DNAH12: variants seen among roughly 807,000 people sequenced by gnomAD.
The protein encoded by DNAH12 is dynein axonemal heavy chain 12.
A neutral mutation model predicts 371.5 loss-of-function variants in DNAH12; 285 were observed. The ratio of observed to expected loss-of-function variants is 0.77; its 90% CI spans 0.70 to 0.85. The LOEUF is 0.85. Among genes scored for constraint, DNAH12 ranks in the 40% least tolerant of loss-of-function variants. The pLI, the probability that DNAH12 is intolerant of heterozygous loss-of-function variation, is 0.00. For missense variants in DNAH12, 3,611 were observed against 3,689.4 expected, an observed-to-expected ratio of 0.98 and a Z score of 0.55; for synonymous variants, 1,200 against 1,213.0, an observed-to-expected ratio of 0.99 and a Z score of 0.22.
intron 59 of DNAH12, 126 bp downstream of exon 59, chr3:57,357,050 C>G (rs1367197014): frequency 1.3e-5 from 2 of 152,102 alleles, no homozygotes; most frequent in East Asian, 3.9e-4. Context: ...GCCATTTTTC[C>G]ACATTTTTAA....
At chr3:57,446,475 T>A (rs958158169) in intron 26 of DNAH12, 62 bp downstream of exon 26, 24 of 1,474,430 alleles carry the variant, frequency 1.6e-5, no homozygotes, top group Non-Finnish European at 2.2e-5. Context: ...CTTCCATTTA[T>A]CCAATTAGAC....
At chr3:57,430,974 T>G (rs9850744) in intron 32 of DNAH12, among the ~76,000 whole-genome samples, 104,429 of 152,026 alleles carry the variant, frequency 0.69, 36,055 homozygotes, top group South Asian at 0.8. Flanking sequence ...ACTGCACTAA[T>G]CCACACTTCA....
chr3:57,323,320 T>C (rs2061853322), intron 63 of DNAH12, 60 bp from the exon 64 acceptor site: 1 of 1,508,718 alleles, frequency 6.6e-7, no homozygotes, highest in African/African-American at 1.4e-5. Flanking sequence ...AAAAGTGCCT[T>C]ATGTATAGGT....
rs782641389 is a variant in DNAH12 at position 57,405,793 on chromosome 3, C to A, written c.6436G>T (p.Val2146Phe). Reference protein sequence around the residue: ...HTMIRLFVHEVLRVFYDRLIN... With the variant: ...HTMIRLFVHEFLRVFYDRLIN... Reference sequence around the variant, plus strand: ...AGGCGATCATAAAACACTCGGAGAACCTCATGCACAAACAGACGGATCATA... The same window carrying A: ...AGGCGATCATAAAACACTCGGAGAAACTCATGCACAAACAGACGGATCATA... The change falls in exon 41 of 74, where the codon GTT (valine) becomes TTT (phenylalanine). Residue 2146 changes from valine to phenylalanine, a missense_variant. By Grantham distance (50) the Val-to-Phe change is conservative. Around this residue, in one of 3 missense-constraint regions of DNAH12, gnomAD observed 2,266 missense variants for 2,236.9 expected, o/e 1.01. Coordinates refer to ENST00000495027, the MANE Select transcript of DNAH12 (RefSeq NM_001366028.2). The A allele has an allele frequency of 8.4e-6, 13 of 1,551,540 alleles. No homozygotes were observed. Among genetic ancestry groups the A allele is most frequent in the Admixed American group, 2.0e-5 (1 of 50,970 alleles).
chr3:57,410,108 A>C (rs1306506546), intron 39 of DNAH12, among the ~76,000 whole-genome samples: 1 of 152,238 alleles, frequency 6.6e-6, no homozygotes, highest in East Asian at 1.9e-4. Context: ...TGAAACTAAT[A>C]GTTGAAAAGT....
rs1284315963 is a variant in DNAH12 at position 57,363,767 on chromosome 3, G to A, written c.9187C>T (p.Arg3063Ter). ...GCAGACTGAAGAATCAGGGCATTTC[G>A]TTCCTCTTCTAATTCTGGTCTAAAA... ...AKERPELEEE[R>*]NALILQSAAN... Residue 3063 changes from arginine to a stop codon, truncating the protein, a stop_gained, in exon 58 of 74, where the codon CGA becomes TGA. Transcript: ENST00000495027. LOFTEE classifies it high-confidence loss of function. The A allele has an allele frequency of 3.3e-5, 5 of 151,948 alleles. No homozygotes were observed. The highest frequency in any genetic ancestry group is 2.1e-4 in the South Asian group (1 of 4,820). The allele number at this position is 151,948 out of a possible 1,614,324, so 9.4% of individuals were successfully genotyped here.
At position 57,322,446 on chromosome 3, in the gene DNAH12, G is replaced by C; in HGVS notation, c.10421C>G (p.Thr3474Ser). The C allele has an allele frequency of 1.4e-5, 21 of 1,552,240 alleles. No homozygotes were observed. Among genetic ancestry groups the C allele is most frequent in the Non-Finnish European group, 1.5e-5 (17 of 1,147,106 alleles). Residue 3474 changes from threonine to serine, a missense_variant, in exon 65 of 74, where the codon ACT (threonine) becomes AGT (serine). Around this residue, in one of 3 missense-constraint regions of DNAH12, gnomAD observed 2,266 missense variants for 2,236.9 expected, o/e 1.01. Transcript: ENST00000495027. ...VTILQNGVKM[T>S]NEPPTGLRLN... Reference sequence around the variant, plus strand: ...CCGAAGACCCGTGGGAGGTTCATTAGTCATTTTTACTCCATTCTGTAGAAT... The same window carrying C: ...CCGAAGACCCGTGGGAGGTTCATTACTCATTTTTACTCCATTCTGTAGAAT...
intron 40 of DNAH12, 58 bp from the exon 41 acceptor site, chr3:57,406,010 G>A (rs1553681125): frequency 6.9e-7 from 1 of 1,446,584 alleles, no homozygotes; most frequent in African/African-American, 1.4e-5. Flanking sequence ...GTAAAGTCAT[G>A]TAACCAGTGG....
intron 4 of DNAH12, among the ~76,000 whole-genome samples, chr3:57,516,537 C>T (rs1222418154): frequency 1.3e-5 from 2 of 152,170 alleles, no homozygotes; most frequent in Non-Finnish European, 2.9e-5. Flanking sequence ...CAGACCAAAG[C>T]CTAAGAATCA....
At chr3:57,481,614 T>A (rs1326660617) in intron 13 of DNAH12, among the ~76,000 whole-genome samples, 1 of 152,104 alleles carries the variant, frequency 6.6e-6, no homozygotes, top group Non-Finnish European at 1.5e-5. Flanking sequence ...CATTGCCAAG[T>A]CAATTCTAAG....
intron 34 of DNAH12, among the ~76,000 whole-genome samples, chr3:57,426,828 G>GA (rs559705189): frequency 0.056 from 5,166 of 92,870 alleles, 145 homozygotes; most frequent in East Asian, 0.18. Flanking sequence ...GACTGTCTCA[G>GA]AAAAAAAAAA....
At chr3:57,464,540 C>T (rs183372317) in intron 17 of DNAH12, among the ~76,000 whole-genome samples, 1 of 152,234 alleles carries the variant, frequency 6.6e-6, no homozygotes, top group East Asian at 1.9e-4. Context: ...TAAACCAAAA[C>T]AAGCCAGACA....
In DNAH12 at chr3:57,308,626, C is replaced by T. The variant is rs1339638054; in HGVS notation, c.11189+525G>A. On this transcript the variant is annotated intron_variant, in intron 69 of 73. Transcript: ENST00000495027. ...TTCTCAACTACTCATAAATGCCCTGCTCTTGTTTACACTGCCGGTTTACAC... is the reference window on the plus strand; with the variant it reads ...TTCTCAACTACTCATAAATGCCCTGTTCTTGTTTACACTGCCGGTTTACAC... Among the ~76,000 whole-genome samples the T allele has an allele frequency of 3.3e-5, 5 of 152,278 alleles. No individual in the cohort carries two copies. In the South Asian group the frequency reaches 6.2e-4, roughly 19 times the overall value.
intron 1 of DNAH12, among the ~76,000 whole-genome samples, chr3:57,543,130 G>A (rs998586481): frequency 6.6e-6 from 1 of 151,962 alleles, no homozygotes; most frequent in Non-Finnish European, 1.5e-5. Flanking sequence ...CCCCTTCAGG[G>A]CTTGTTTCCT....
At chr3:57,555,144 T>G in the DNAH12 span, among the ~76,000 whole-genome samples, 21 of 152,132 alleles carry the variant, frequency 1.4e-4, no homozygotes, top group Middle Eastern at 6.8e-3. Context: ...CTTGGGAGGC[T>G]GAGGCACGAG....
chr3:57,463,914 C>G (rs1220636009), intron 17 of DNAH12, among the ~76,000 whole-genome samples: 1 of 151,916 alleles, frequency 6.6e-6, no homozygotes, highest in African/African-American at 2.4e-5. Context: ...ATTACAGACT[C>G]CTGAGTAGCC....
At chr3:57,383,261 A>G (rs2063433225) in intron 49 of DNAH12, among the ~76,000 whole-genome samples, 1 of 152,176 alleles carries the variant, frequency 6.6e-6, no homozygotes, top group Non-Finnish European at 1.5e-5. Context: ...ACTTATACTA[A>G]AATCAACTCT....
At chr3:57,519,953 C>T (rs183524798) in intron 4 of DNAH12, 3 of 863,320 alleles carry the variant, frequency 3.5e-6, no homozygotes, top group Middle Eastern at 2.4e-4. Flanking sequence ...TTGGAGCCTG[C>T]GCTCCTGGAG....
At chr3:57,376,056 T>C (rs1354216435) in intron 53 of DNAH12, 91 bp from the exon 54 acceptor site, 1 of 152,106 alleles carries the variant, frequency 6.6e-6, no homozygotes, top group Non-Finnish European at 1.5e-5. Flanking sequence ...TCCAATTCTG[T>C]AACAAAAAGC....
Sources: allele counts gnomAD v4.1 joint callset (sites outside exome capture counted in the v4.1 genomes callset), GRCh38; gene constraint gnomAD v4.1.1; regional missense constraint gnomAD v4.1.1; transcripts MANE v1.5; gene names NCBI Gene and HGNC (gene_info 2026-07-23, HGNC 2026-07-21).